The following RASGRF2 variants were observed in gnomAD, a reference collection of about 807,000 sequenced individuals.
The protein encoded by RASGRF2 is Ras protein specific guanine nucleotide releasing factor 2, also known as ras-specific guanine nucleotide-releasing factor 2.
Under a neutral mutation model 151.0 loss-of-function variants are expected in RASGRF2, and 76 were observed. The ratio of observed to expected loss-of-function variants is 0.50; its 90% CI spans 0.42 to 0.61. The LOEUF is 0.61. Among genes scored for constraint, RASGRF2 ranks in the 20% least tolerant of loss-of-function variants. The probability of loss-of-function intolerance (pLI) is 0.00; values close to 1 mark genes in which losing one functional copy is unlikely to be tolerated. For synonymous variants in RASGRF2, 504 were observed against 566.5 expected (o/e 0.89, Z 1.57); for missense variants, 1,148 against 1,564.6 (o/e 0.73, Z 4.49).
intron 12 of RASGRF2, among the ~76,000 whole-genome samples, chr5:81,100,083 A>G (rs1159774388): frequency 1.2e-4 from 18 of 151,510 alleles, no homozygotes; most frequent in Admixed American, 1.2e-3. Flanking sequence ...AATTTTTTGC[A>G]TGTTTAGTAG....
Position 81,180,350 on chromosome 5 carries a change from A to G in RASGRF2, c.2793+69A>G, listed in dbSNP as rs759815133. The G allele has an allele frequency of 4.3e-6, 4 of 940,706 alleles. No homozygotes were observed. The Admixed American group carries it at 5.2e-5, about 12-fold the overall frequency. 58.3% of individuals were successfully genotyped at this position (940,706 alleles called of 1,614,324 possible). ...AAATCATCTTTTTAAGTTGTGACAC[A>G]TGTAAAACACCTCCCTACTCTTTGG... On this transcript the variant is annotated intron_variant, in intron 18 of 26. Transcript: ENST00000265080.
At chr5:81,144,045 C>T (rs1342707200) in intron 17 of RASGRF2, among the ~76,000 whole-genome samples, 2 of 152,094 alleles carry the variant, frequency 1.3e-5, no homozygotes, top group Non-Finnish European at 2.9e-5. Flanking sequence ...AAATAGTAGA[C>T]AGCCTCAAAA....
chr5:81,020,133 A>G (rs953523539), intron 1 of RASGRF2, among the ~76,000 whole-genome samples: 3 of 152,298 alleles, frequency 2.0e-5, no homozygotes, highest in Middle Eastern at 3.4e-3. Flanking sequence ...AGACCTTTGC[A>G]TTTCCTAGAG....
At chr5:80,990,218 G>GTTTTTTTTTTTTTTTT (rs10558206) in intron 1 of RASGRF2, among the ~76,000 whole-genome samples, 1 of 137,926 alleles carries the variant, frequency 7.3e-6, no homozygotes, top group Non-Finnish European at 1.6e-5. Flanking sequence ...ACTGCCAGAT[G>GTTTTTTTTTTTTTTTT]TTTTTTTTTT....
intron 1 of RASGRF2, among the ~76,000 whole-genome samples, chr5:80,980,224 G>A (rs577513264): frequency 6.6e-6 from 1 of 152,182 alleles, no homozygotes; most frequent in Non-Finnish European, 1.5e-5. Context: ...TTGCCTCCTC[G>A]GACTGACTGT....
At chr5:81,114,039 G>A in intron 15 of RASGRF2, 119 bp downstream of exon 15, 4 of 1,301,458 alleles carry the variant, frequency 3.1e-6, no homozygotes, top group Non-Finnish European at 4.2e-6. Flanking sequence ...TGCATAGAAA[G>A]TAGAATGAGC....
chr5:80,988,877 A>G (rs1309693111), intron 1 of RASGRF2, among the ~76,000 whole-genome samples: 1 of 152,252 alleles, frequency 6.6e-6, no homozygotes, highest in Non-Finnish European at 1.5e-5. Flanking sequence ...TAGTTTGGAC[A>G]TACATAATTT....
intron 1 of RASGRF2, among the ~76,000 whole-genome samples, chr5:80,993,691 G>A (rs967728166): frequency 6.6e-6 from 1 of 152,200 alleles, no homozygotes; most frequent in Non-Finnish European, 1.5e-5. Context: ...AGGCCTGAAG[G>A]CAAGAGGGAA....
chr5:80,976,461 A>G (rs554236490), intron 1 of RASGRF2, among the ~76,000 whole-genome samples: 1 of 152,238 alleles, frequency 6.6e-6, no homozygotes, highest in Non-Finnish European at 1.5e-5. Context: ...AGCTGGAAGT[A>G]TATAACTAGG....
intron 1 of RASGRF2, among the ~76,000 whole-genome samples, chr5:80,961,496 G>A (rs1258924305): frequency 6.6e-6 from 1 of 152,212 alleles, no homozygotes; most frequent in African/African-American, 2.4e-5. Context: ...GTTGGGCTGG[G>A]AACAAGCGGG....
chr5:81,080,748 G>A lies in RASGRF2; in HGVS notation c.1120G>A (p.Gly374Arg), dbSNP rs757156378. Residue 374 changes from glycine (G) to arginine (R), a missense_variant, in exon 7 of 27, where the codon GGG (glycine) becomes AGG (arginine). By Grantham distance (125) the Gly-to-Arg change is moderately radical (BLOSUM62 -2). This residue lies in a region of RASGRF2 where 176 missense variants were observed against 309.6 expected (regional missense o/e 0.57). Coordinates refer to ENST00000265080, the MANE Select transcript of RASGRF2 (RefSeq NM_006909.3). Reference sequence around the variant, plus strand: ...GTATGAAGCCAATCCAGCCTGTGAGGGGAGGATGCTGGAGACATTCTTGAC... The same window carrying A: ...GTATGAAGCCAATCCAGCCTGTGAGAGGAGGATGCTGGAGACATTCTTGAC... ...KQYEANPACEGRMLETFLTYP... is the reference protein window; with the variant it reads ...KQYEANPACERRMLETFLTYP... The A allele has an allele frequency of 1.9e-6, 3 of 1,614,046 alleles. No individual in the cohort carries two copies. The highest frequency in any genetic ancestry group is 1.3e-5 in the African/African-American group (1 of 74,926).
chr5:81,229,075 TAACTG>T lies in RASGRF2; in HGVS notation c.*3308_*3312del, dbSNP rs1338255076. ...AGCGATTGGGCAGCTTTTAAATTCT[TAACTG>T]AAAAGAGTAATGCAATACAGGGATT... is the stretch of plus-strand genomic sequence containing the variant. On this transcript the variant is annotated 3_prime_UTR_variant, in exon 27 of 27. Transcript: ENST00000265080. 3.3e-5 allele frequency: 5 copies of T among 152,258 alleles called. No individual in the cohort carries two copies. Among genetic ancestry groups the T allele is most frequent in the South Asian group, 2.1e-4 (1 of 4,816 alleles). 9.4% of individuals were successfully genotyped at this position (152,258 alleles called of 1,614,324 possible).
At chr5:81,168,012 C>T (rs1350924148) in intron 17 of RASGRF2, among the ~76,000 whole-genome samples, 7 of 152,154 alleles carry the variant, frequency 4.6e-5, no homozygotes, top group Non-Finnish European at 1.0e-4. Flanking sequence ...GCAGGCTTGG[C>T]TGATGATCTT....
intron 1 of RASGRF2, among the ~76,000 whole-genome samples, chr5:81,028,818 G>A (rs539874206): frequency 1.3e-5 from 2 of 152,314 alleles, no homozygotes; most frequent in South Asian, 4.1e-4. Flanking sequence ...AGTGGGTGCA[G>A]CCCATGGAGC....
chr5:81,093,023 C>A, intron 10 of RASGRF2, 62 bp downstream of exon 10: 1 of 1,457,812 alleles, frequency 6.9e-7, no homozygotes, highest in South Asian at 1.3e-5. Flanking sequence ...TTGAAGTTAA[C>A]TCATTTGAGA....
chr5:81,179,758 A>T (rs1340750186), intron 17 of RASGRF2, among the ~76,000 whole-genome samples: 1 of 152,236 alleles, frequency 6.6e-6, no homozygotes, highest in Non-Finnish European at 1.5e-5. Flanking sequence ...AAGCCAAGAT[A>T]TGGCCTAATT....
intron 23 of RASGRF2, among the ~76,000 whole-genome samples, chr5:81,213,354 GGGCCTC>G (rs1755666063): frequency 1.6e-5 from 1 of 61,624 alleles, no homozygotes; most frequent in Admixed American, 2.5e-4. Context: ...GAGGGGGAAA[GGGCCTC>G]AAAGGGCCTC....
chr5:81,111,066 A>C (rs1752978904), intron 13 of RASGRF2, among the ~76,000 whole-genome samples: 1 of 152,214 alleles, frequency 6.6e-6, no homozygotes, highest in Non-Finnish European at 1.5e-5. Flanking sequence ...AAAGCAGTTG[A>C]TTCCTTTTTA....
chr5:80,976,369 G>A, intron 1 of RASGRF2, among the ~76,000 whole-genome samples: 1 of 152,050 alleles, frequency 6.6e-6, no homozygotes. Flanking sequence ...ATTCACTTGG[G>A]GCAAACCTTT....
Sources: allele counts gnomAD v4.1 joint callset (sites outside exome capture counted in the v4.1 genomes callset), GRCh38; gene constraint gnomAD v4.1.1; regional missense constraint gnomAD v4.1.1; transcripts MANE v1.5; gene names NCBI Gene and HGNC (gene_info 2026-07-23, HGNC 2026-07-21).